Variants in ARHGEF4 observed in about 807,000 individuals in gnomAD.
ARHGEF4 encodes the protein APC-stimulated guanine nucleotide exchange factor 1.
A neutral mutation model predicts 162.0 loss-of-function variants in ARHGEF4; 119 were observed. That is an observed-to-expected ratio of 0.73 (90% CI 0.63 to 0.86). The LOEUF (loss-of-function observed/expected upper bound fraction) is 0.86, where lower values mean the gene tolerates loss of function less well. Ranked by LOEUF, ARHGEF4 falls within the 40% of genes least tolerant of loss-of-function variation. ARHGEF4 has a pLI of 0.00. For synonymous variants in ARHGEF4, 1,014 were observed against 979.9 expected (o/e 1.03, Z -0.65); for missense variants, 2,488 against 2,456.0 (o/e 1.01, Z -0.28).
intron 4 of ARHGEF4, among the ~76,000 whole-genome samples, chr2:130,999,964 G>A (rs578075275): frequency 9.9e-5 from 15 of 152,274 alleles, no homozygotes; most frequent in African/African-American, 3.4e-4. Context: ...CACCTGCCTC[G>A]GCCTCCCAAA....
Position 130,916,803 on chromosome 2 carries a change from C to A in ARHGEF4, c.2857C>A (p.Arg953=), listed in dbSNP as rs912116186. ...EKSRLRQGSW[R]AFLKSKDAGS... ...GAGCAGGCTGCGCCAGGGTTCCTGGCGGGCGTTTCTGAAAAGCAAAGATGC... is the reference window on the plus strand; with the variant it reads ...GAGCAGGCTGCGCCAGGGTTCCTGGAGGGCGTTTCTGAAAAGCAAAGATGC... The change falls in exon 2 of 14, where the codon CGG becomes AGG. Residue 953 remains arginine, a synonymous_variant. Transcript: ENST00000409359. 4 of 1,550,420 alleles carry A rather than the reference C, an allele frequency of 2.6e-6. No homozygotes were observed. The highest frequency in any genetic ancestry group is 3.5e-6 in the Non-Finnish European group (4 of 1,146,990).
chr2:130,837,514 G>C, intron 1 of ARHGEF4: 1 of 397,700 alleles, frequency 2.5e-6, no homozygotes, highest in Non-Finnish European at 5.0e-6. Flanking sequence ...AACTGGGGTC[G>C]GGGCTGTTGG....
chr2:130,896,949 T>C (rs1291158205), intron 1 of ARHGEF4, among the ~76,000 whole-genome samples: 2 of 152,094 alleles, frequency 1.3e-5, no homozygotes, highest in South Asian at 2.1e-4. Flanking sequence ...ATGCCAGGCA[T>C]GTGGTCGCTA....
chr2:130,944,066 A>T (rs536693781), intron 3 of ARHGEF4, among the ~76,000 whole-genome samples: 28 of 152,244 alleles, frequency 1.8e-4, no homozygotes, highest in African/African-American at 6.5e-4. Context: ...CTGGATATAG[A>T]TTTTTGGGTT....
intron 1 of ARHGEF4, among the ~76,000 whole-genome samples, chr2:130,885,860 A>G (rs775061320): frequency 1.3e-5 from 2 of 151,944 alleles, no homozygotes; most frequent in South Asian, 2.1e-4. Context: ...GTGAGCCACC[A>G]TGCCCGGCCT....
chr2:130,886,550 G>A (rs993952240), intron 1 of ARHGEF4, among the ~76,000 whole-genome samples: 33 of 151,712 alleles, frequency 2.2e-4, no homozygotes, highest in African/African-American at 6.3e-4. Context: ...GCATGGTGGC[G>A]GGCACCTGTA....
At chr2:130,851,501 G>A (rs1188437479) in intron 1 of ARHGEF4, among the ~76,000 whole-genome samples, 3 of 152,218 alleles carry the variant, frequency 2.0e-5, no homozygotes, top group African/African-American at 4.8e-5. Context: ...CTGCACTGCC[G>A]AGGCCTGCCC....
intron 1 of ARHGEF4, among the ~76,000 whole-genome samples, chr2:130,888,054 G>A (rs1459555777): frequency 2.0e-5 from 3 of 152,010 alleles, no homozygotes. Flanking sequence ...AAACCTATTG[G>A]CTTTGTTGAT....
At chr2:130,968,769 T>G (rs1274165075) in intron 4 of ARHGEF4, among the ~76,000 whole-genome samples, 1 of 151,796 alleles carries the variant, frequency 6.6e-6, no homozygotes, top group East Asian at 1.9e-4. Context: ...AATACAAAAA[T>G]TAGCCGGGTG....
In ARHGEF4 at chr2:130,867,444, G is replaced by A. The variant is rs1436303167; in HGVS notation, c.39+30452G>A. Among the ~76,000 whole-genome samples, 5 of 151,824 alleles carry A rather than the reference G, an allele frequency of 3.3e-5. No individual in the cohort carries two copies. In the South Asian group the frequency reaches 1.0e-3, roughly 32 times the overall value. On this transcript the variant is annotated intron_variant, in intron 1 of 13. Transcript: ENST00000409359. ...GTAGAGAGGGGGTTTCACCATGTTG[G>A]CCAGGCTGGTCTCGAACTCCTGACC...
At chr2:130,855,314 G>A (rs2104896602) in intron 1 of ARHGEF4, among the ~76,000 whole-genome samples, 1 of 152,308 alleles carries the variant, frequency 6.6e-6, no homozygotes, top group South Asian at 2.1e-4. Flanking sequence ...AGACCACTGT[G>A]AGGCTTGACA....
intron 1 of ARHGEF4, among the ~76,000 whole-genome samples, chr2:130,845,490 G>A (rs1037267013): frequency 1.3e-5 from 2 of 151,428 alleles, no homozygotes; most frequent in African/African-American, 4.9e-5. Flanking sequence ...GTAGAGATGG[G>A]GTTTCACCAT....
intron 5 of ARHGEF4, among the ~76,000 whole-genome samples, chr2:131,038,357 C>G (rs1690461843): frequency 6.7e-6 from 1 of 148,254 alleles, no homozygotes; most frequent in Non-Finnish European, 1.5e-5. Context: ...GCCCTCCCTC[C>G]TGCAGCCTTG....
intron 1 of ARHGEF4, among the ~76,000 whole-genome samples, chr2:130,882,340 A>C: frequency 6.6e-6 from 1 of 152,044 alleles, no homozygotes; most frequent in Admixed American, 6.5e-5. Flanking sequence ...TGGCTTACAC[A>C]GCAGACATCT....
intron 4 of ARHGEF4, among the ~76,000 whole-genome samples, chr2:130,980,618 A>C (rs1686058658): frequency 6.6e-6 from 1 of 152,206 alleles, no homozygotes; most frequent in African/African-American, 2.4e-5. Context: ...CACATTTCTA[A>C]GATTGGTTTC....
Position 131,046,195 on chromosome 2 carries a change from T to TC in ARHGEF4, c.*9dup, listed in dbSNP as rs763253496. 1 of 1,608,592 alleles carries TC rather than the reference T, an allele frequency of 6.2e-7. No homozygotes were observed. Among genetic ancestry groups the TC allele is most frequent in the Non-Finnish European group, 8.5e-7 (1 of 1,177,028 alleles). On this transcript the variant is annotated 3_prime_UTR_variant, in exon 14 of 14. Transcript: ENST00000409359. Reference sequence around the variant, plus strand: ...TGGCACCCTTCCGCAAGTGAACTGGTCCCTGCCTGACAGCACCTGCTGGGC... The same window carrying TC: ...TGGCACCCTTCCGCAAGTGAACTGGTCCCCTGCCTGACAGCACCTGCTGGGC...
At chr2:130,880,222 C>T (rs1410292546) in intron 1 of ARHGEF4, among the ~76,000 whole-genome samples, 4 of 152,248 alleles carry the variant, frequency 2.6e-5, no homozygotes, top group African/African-American at 4.8e-5. Flanking sequence ...CTCTTCTGCA[C>T]GACCCCCTGC....
chr2:131,008,701 A>G (rs1309167522), intron 4 of ARHGEF4, among the ~76,000 whole-genome samples: 1 of 151,994 alleles, frequency 6.6e-6, no homozygotes, highest in East Asian at 1.9e-4. Flanking sequence ...TTATTTTATA[A>G]TGGTTGCTCT....
chr2:130,889,719 G>A (rs1397520435), intron 1 of ARHGEF4, among the ~76,000 whole-genome samples: 1 of 148,954 alleles, frequency 6.7e-6, no homozygotes. Context: ...GGCTGAGGCA[G>A]GAGAATCACT....
Sources: gnomAD v4.1 joint callset for allele counts (sites outside exome capture counted in the v4.1 genomes callset) on GRCh38, gnomAD v4.1.1 for gene constraint, MANE v1.5 for transcripts, NCBI Gene and HGNC (gene_info 2026-07-23, HGNC 2026-07-21) for gene names.